The following SLC13A1 variants were observed in gnomAD, a reference collection of about 807,000 sequenced individuals.
The protein encoded by SLC13A1 is Na(+)/sulfate cotransporter.
In SLC13A1, 65 loss-of-function variants were observed where a neutral mutation model predicts 70.0. That is an observed-to-expected ratio of 0.93 (90% confidence interval 0.76 to 1.14). SLC13A1 has a LOEUF of 1.14. Ranked by LOEUF, SLC13A1 falls within the 50% of genes most tolerant of loss-of-function variation. The pLI is 0.00. For synonymous variants in SLC13A1, 275 were observed against 250.5 expected, an observed-to-expected ratio of 1.10 and a Z score of -0.92; for missense variants, 726 against 717.8, an observed-to-expected ratio of 1.01 and a Z score of -0.13.
chr7:123,197,090 C>T (rs1375961178), intron 1 of SLC13A1, among the ~76,000 whole-genome samples: 2 of 152,152 alleles, frequency 1.3e-5, no homozygotes, highest in Non-Finnish European at 2.9e-5. Flanking sequence ...CTCTGCAAAT[C>T]AGTCTATTCT....
intron 2 of SLC13A1, among the ~76,000 whole-genome samples, chr7:123,177,256 G>C (rs1795478252): frequency 6.6e-6 from 1 of 151,826 alleles, no homozygotes; most frequent in Non-Finnish European, 1.5e-5. Context: ...AATCAATCAG[G>C]AAAGTTTGCT....
intron 4 of SLC13A1, 104 bp downstream of exon 4, chr7:123,169,044 A>T (rs955206371): frequency 8.3e-6 from 8 of 963,920 alleles, no homozygotes; most frequent in Non-Finnish European, 1.1e-5. Context: ...AATTCATATC[A>T]TGCATGTATA....
At chr7:123,143,391 G>A (rs1271427988) in intron 7 of SLC13A1, among the ~76,000 whole-genome samples, 1 of 152,148 alleles carries the variant, frequency 6.6e-6, no homozygotes, top group Non-Finnish European at 1.5e-5. Flanking sequence ...TGAGGGTTGT[G>A]GGAAGTCAAG....
At chr7:123,173,081 T>G (rs931810483) in intron 2 of SLC13A1, among the ~76,000 whole-genome samples, 1 of 152,086 alleles carries the variant, frequency 6.6e-6, no homozygotes, top group Non-Finnish European at 1.5e-5. Context: ...TGAAAGAGGA[T>G]TATAAGAGTA....
At chr7:123,149,222 C>T (rs1216075129) in intron 6 of SLC13A1, among the ~76,000 whole-genome samples, 1 of 152,130 alleles carries the variant, frequency 6.6e-6, no homozygotes, top group African/African-American at 2.4e-5. Flanking sequence ...ACATGACACT[C>T]CTCCCACATG....
At chr7:123,193,420 A>G (rs1241466281) in intron 1 of SLC13A1, among the ~76,000 whole-genome samples, 1 of 152,182 alleles carries the variant, frequency 6.6e-6, no homozygotes, top group Non-Finnish European at 1.5e-5. Flanking sequence ...AAAAGTTCCA[A>G]AATCTCAGCA....
At chr7:123,164,974 T>C (rs567687078) in intron 6 of SLC13A1, among the ~76,000 whole-genome samples, 4 of 152,040 alleles carry the variant, frequency 2.6e-5, no homozygotes, top group Non-Finnish European at 4.4e-5. Context: ...CAATAGAATA[T>C]CCTACCTACT....
At chr7:123,184,446 G>A (rs931686339) in intron 1 of SLC13A1, among the ~76,000 whole-genome samples, 8 of 151,946 alleles carry the variant, frequency 5.3e-5, no homozygotes, top group African/African-American at 1.9e-4. Context: ...GAAACCACAA[G>A]TTCACTCTCC....
intron 10 of SLC13A1, among the ~76,000 whole-genome samples, chr7:123,127,332 A>T (rs1222248712): frequency 6.6e-6 from 1 of 152,110 alleles, no homozygotes; most frequent in Non-Finnish European, 1.5e-5. Flanking sequence ...CTCGCATAAG[A>T]AACAGAAATT....
At chr7:123,130,958 T>A (rs911314207) in intron 8 of SLC13A1, among the ~76,000 whole-genome samples, 2 of 152,148 alleles carry the variant, frequency 1.3e-5, no homozygotes, top group Non-Finnish European at 2.9e-5. Flanking sequence ...TGGAGACTTT[T>A]AAAAAAATTC....
At chr7:123,174,075 C>T (rs1003943487) in intron 2 of SLC13A1, among the ~76,000 whole-genome samples, 1 of 148,932 alleles carries the variant, frequency 6.7e-6, no homozygotes, top group Non-Finnish European at 1.5e-5. Flanking sequence ...TGCTGGTATT[C>T]CACAGGGTTC....
chr7:123,187,321 A>ATG (rs1382632208), intron 1 of SLC13A1, among the ~76,000 whole-genome samples: 1 of 152,180 alleles, frequency 6.6e-6, no homozygotes, highest in Admixed American at 6.5e-5. Flanking sequence ...AAATATATAT[A>ATG]TTAGAAGCTT....
At chr7:123,120,244 G>A (rs982438134) in intron 12 of SLC13A1, among the ~76,000 whole-genome samples, 1 of 151,942 alleles carries the variant, frequency 6.6e-6, no homozygotes, top group Non-Finnish European at 1.5e-5. Flanking sequence ...TGCATTGGGG[G>A]AGCACTTCCT....
intron 2 of SLC13A1, among the ~76,000 whole-genome samples, chr7:123,177,206 G>A (rs531043692): frequency 3.9e-5 from 6 of 152,154 alleles, no homozygotes; most frequent in African/African-American, 1.4e-4. Context: ...TAAGCTGTGA[G>A]GCATCTTTGA....
chr7:123,188,923 G>A (rs1005468500), intron 1 of SLC13A1, among the ~76,000 whole-genome samples: 9 of 151,190 alleles, frequency 6.0e-5, no homozygotes, highest in South Asian at 2.1e-4. Context: ...AGACCATCCC[G>A]GCTAAAACGG....
At position 123,168,271 on chromosome 7, in the gene SLC13A1, T is replaced by C. The variant is rs1399375953; in HGVS notation, c.660+103A>G. ...CTGCTTAGTCAAGCAAAATAATTTA[T>C]AGAAAAGGAAGCAAGTGGCAGGTTT... On this transcript the variant is annotated intron_variant, in intron 6 of 14. Coordinates refer to ENST00000194130, the MANE Select transcript of SLC13A1 (RefSeq NM_022444.4). 9 of 720,446 alleles carry C rather than the reference T, an allele frequency of 1.2e-5. No individual in the cohort carries two copies. The Admixed American group carries it at 2.4e-4, about 19-fold the overall frequency. 44.6% of individuals were successfully genotyped at this position (720,446 alleles called of 1,614,324 possible).
chr7:123,178,033 C>CTCTCTCTCTCTATATA (rs761704605), intron 2 of SLC13A1, among the ~76,000 whole-genome samples: 1 of 149,958 alleles, frequency 6.7e-6, no homozygotes, highest in African/African-American at 2.5e-5. Context: ...CTCTCTCTCT[C>CTCTCTCTCTCTATATA]TATATATATA....
intron 9 of SLC13A1, 86 bp from the exon 10 acceptor site, chr7:123,129,032 C>T (rs532832945): frequency 4.1e-5 from 36 of 872,426 alleles, no homozygotes; most frequent in Middle Eastern, 4.4e-4. Context: ...CAGGAATGAT[C>T]GCAGTAGAAC....
At chr7:123,122,972 T>C (rs1348206951) in intron 12 of SLC13A1, among the ~76,000 whole-genome samples, 154 bp downstream of exon 12, 1 of 152,188 alleles carries the variant, frequency 6.6e-6, no homozygotes, top group African/African-American at 2.4e-5. Context: ...TCTGAACTCA[T>C]CTCATTTGTG....
Sources: gnomAD v4.1 joint callset for allele counts (sites outside exome capture counted in the v4.1 genomes callset) on GRCh38, gnomAD v4.1.1 for gene constraint, MANE v1.5 for transcripts, NCBI Gene and HGNC (gene_info 2026-07-23, HGNC 2026-07-21) for gene names.